GRIK2: variants seen among roughly 807,000 people sequenced by gnomAD.
The protein encoded by GRIK2 is glutamate receptor ionotropic, kainate 2.
Under a neutral mutation model 100.3 loss-of-function variants are expected in GRIK2, and 32 were observed. The ratio of observed to expected loss-of-function variants is 0.32; its 90% CI spans 0.24 to 0.43. The LOEUF (loss-of-function observed/expected upper bound fraction) is 0.43. Among genes scored for constraint, GRIK2 ranks in the 20% least tolerant of loss-of-function variants. GRIK2 has a pLI of 1.00. For missense variants in GRIK2, 843 were observed against 1,114.9 expected (o/e 0.76, Z 3.47); for synonymous variants, 417 against 389.4 (o/e 1.07, Z -0.83).
chr6:101,921,888 C>A (rs532015762), intron 12 of GRIK2, among the ~76,000 whole-genome samples: 265 of 152,098 alleles, frequency 1.7e-3, no homozygotes, highest in African/African-American at 6.0e-3. Context: ...CTTTTGGAAG[C>A]TTTATCCTTT....
intron 4 of GRIK2, among the ~76,000 whole-genome samples, chr6:101,652,847 T>A (rs953186329): frequency 1.1e-4 from 17 of 152,140 alleles, no homozygotes; most frequent in Non-Finnish European, 1.6e-4. Context: ...CTCCAGGACT[T>A]CTTTGTCAGC....
At chr6:101,874,401 G>A (rs1326265472) in intron 11 of GRIK2, among the ~76,000 whole-genome samples, 1 of 151,942 alleles carries the variant, frequency 6.6e-6, no homozygotes, top group African/African-American at 2.4e-5. Flanking sequence ...AAGATCAAAT[G>A]GTTGTTGATG....
chr6:101,504,234 G>A (rs574391470), intron 2 of GRIK2, among the ~76,000 whole-genome samples: 35 of 152,048 alleles, frequency 2.3e-4, no homozygotes, highest in African/African-American at 7.2e-4. Context: ...ATTTAAAATC[G>A]TATGTTTAAA....
chr6:102,063,708 G>A (rs1439750097), intron 16 of GRIK2, among the ~76,000 whole-genome samples: 1 of 148,650 alleles, frequency 6.7e-6, no homozygotes, highest in Non-Finnish European at 1.5e-5. Flanking sequence ...TTTACCTGTG[G>A]ACTATTTATG....
chr6:101,735,681 T>A (rs777356202), intron 7 of GRIK2, among the ~76,000 whole-genome samples: 1 of 152,124 alleles, frequency 6.6e-6, no homozygotes, highest in Non-Finnish European at 1.5e-5. Context: ...ATTCCTCCTA[T>A]AACACATGGG....
At chr6:101,662,892 A>G (rs567657057) in intron 4 of GRIK2, among the ~76,000 whole-genome samples, 2 of 152,266 alleles carry the variant, frequency 1.3e-5, no homozygotes, top group African/African-American at 4.8e-5. Flanking sequence ...AAAATACACA[A>G]TATGTGCTGT....
chr6:101,582,475 G>A (rs964653193), intron 2 of GRIK2, among the ~76,000 whole-genome samples: 1 of 152,126 alleles, frequency 6.6e-6, no homozygotes, highest in Non-Finnish European at 1.5e-5. Flanking sequence ...GCCCTGTGAA[G>A]AGGTGCCTTC....
chr6:102,003,413 A>C (rs970682429), intron 14 of GRIK2, among the ~76,000 whole-genome samples: 4 of 151,720 alleles, frequency 2.6e-5, no homozygotes, highest in African/African-American at 7.2e-5. Flanking sequence ...TGATATCACA[A>C]CACCCAAAAC....
At chr6:101,847,605 G>A (rs1212414298) in intron 10 of GRIK2, among the ~76,000 whole-genome samples, 3 of 151,968 alleles carry the variant, frequency 2.0e-5, no homozygotes, top group Admixed American at 1.3e-4. Context: ...CAAACTTCCC[G>A]TCTTTGTAGT....
At chr6:102,063,372 A>G (rs1018550027) in intron 16 of GRIK2, among the ~76,000 whole-genome samples, 3 of 150,842 alleles carry the variant, frequency 2.0e-5, no homozygotes, top group African/African-American at 4.8e-5. Context: ...AACATATTTT[A>G]TGATATTTCT....
intron 2 of GRIK2, among the ~76,000 whole-genome samples, chr6:101,523,394 G>A (rs1387449953): frequency 6.6e-6 from 1 of 152,058 alleles, no homozygotes; most frequent in Non-Finnish European, 1.5e-5. Context: ...TATCTGTTAG[G>A]GATAAGATGT....
chr6:101,638,193 T>C (rs570164410), intron 4 of GRIK2, among the ~76,000 whole-genome samples: 7 of 148,772 alleles, frequency 4.7e-5, no homozygotes, highest in Non-Finnish European at 1.1e-4. Context: ...TTTGTTTTAT[T>C]ACTTTATTTA....
chr6:101,715,026 C>T (rs1773966940), intron 7 of GRIK2, among the ~76,000 whole-genome samples: 1 of 151,182 alleles, frequency 6.6e-6, no homozygotes, highest in South Asian at 2.1e-4. Flanking sequence ...AAACGTTTTA[C>T]AATTTATTTC....
intron 2 of GRIK2, among the ~76,000 whole-genome samples, chr6:101,562,729 A>T (rs1470848002): frequency 1.3e-5 from 2 of 152,076 alleles, no homozygotes; most frequent in Admixed American, 6.6e-5. Context: ...TGTTCTTCTG[A>T]TGATTAAATG....
intron 10 of GRIK2, among the ~76,000 whole-genome samples, chr6:101,846,858 C>CT (rs1237135544): frequency 6.6e-6 from 1 of 151,814 alleles, no homozygotes; most frequent in Non-Finnish European, 1.5e-5. Flanking sequence ...CAAAGGCCCT[C>CT]TTTTTTCATC....
chr6:101,605,412 T>C (rs936629380), intron 2 of GRIK2, among the ~76,000 whole-genome samples: 8 of 152,042 alleles, frequency 5.3e-5, no homozygotes, highest in African/African-American at 1.9e-4. Context: ...TTCCTTTTTC[T>C]TTCCTTTTTT....
chr6:101,778,284 G>T (rs1195425366), intron 7 of GRIK2, among the ~76,000 whole-genome samples: 1 of 152,080 alleles, frequency 6.6e-6, no homozygotes, highest in Non-Finnish European at 1.5e-5. Context: ...AGAATAAAAT[G>T]AAATCAATGG....
rs1224418323 is a variant in GRIK2 at position 101,548,363 on chromosome 6, G to T, written c.116-73586G>T. 4.6e-5 allele frequency among the ~76,000 whole-genome samples: 7 copies of T among 152,238 alleles called. No individual in the cohort carries two copies. The South Asian group carries it at 1.0e-3, about 23-fold the overall frequency. ...GTCAATTTTGGCTTTTGTTGCCATT[G>T]CTTTTGGTGTTTTAGACCTGAAGTC... On this transcript the variant is annotated intron_variant, in intron 2 of 16. Transcript: ENST00000369134.
intron 2 of GRIK2, among the ~76,000 whole-genome samples, chr6:101,436,697 C>T (rs957824921): frequency 6.6e-6 from 1 of 151,760 alleles, no homozygotes; most frequent in African/African-American, 2.4e-5. Context: ...AGAACTAAAT[C>T]ACCAGATTTA....
Sources: gnomAD v4.1 joint callset for allele counts (sites outside exome capture counted in the v4.1 genomes callset) on GRCh38, gnomAD v4.1.1 for gene constraint, MANE v1.5 for transcripts, NCBI Gene and HGNC (gene_info 2026-07-23, HGNC 2026-07-21) for gene names.